The following PCDH11X variants were observed in gnomAD, a reference collection of about 807,000 sequenced individuals.
PCDH11X encodes the protein protocadherin 11 X-linked.
A neutral mutation model predicts 53.3 loss-of-function variants in PCDH11X; 18 were observed. The observed-to-expected ratio is 0.34, with a 90% CI of 0.23 to 0.50. The LOEUF (loss-of-function observed/expected upper bound fraction) is 0.50. PCDH11X is among the 20% of genes least tolerant of loss of function. The pLI is 0.98. For missense variants in PCDH11X, 570 were observed against 1,032.4 expected (o/e 0.55, Z 6.14); for synonymous variants, 279 against 393.3 (o/e 0.71, Z 3.44).
chrX:92,394,416 T>A (rs2071199959), intron 9 of PCDH11X, among the ~76,000 whole-genome samples: 1 of 110,831 alleles, frequency 9.0e-6, no homozygotes, highest in South Asian at 3.8e-4. Flanking sequence ...ATGCCATAGG[T>A]CTGGAATGTC....
intron 6 of PCDH11X, among the ~76,000 whole-genome samples, chrX:91,900,936 C>T (rs763611909): frequency 9.0e-6 from 1 of 111,318 alleles, no homozygotes; most frequent in South Asian, 3.8e-4. Flanking sequence ...TAGTGATTCT[C>T]CTCAAAATTA....
At chrX:91,910,663 G>GA (rs1337673087) in intron 6 of PCDH11X, among the ~76,000 whole-genome samples, 1 of 110,754 alleles carries the variant, frequency 9.0e-6, no homozygotes, top group Non-Finnish European at 1.9e-5. Flanking sequence ...TGCAAGTATA[G>GA]AAAAACATAT....
chrX:92,396,123 A>C (rs6619002), intron 9 of PCDH11X, among the ~76,000 whole-genome samples: 1 of 104,588 alleles, frequency 9.6e-6, no homozygotes, highest in African/African-American at 3.5e-5. Context: ...ACTTTTCACT[A>C]TGCTTATCTA....
At chrX:91,869,610 G>C (rs909766546) in intron 5 of PCDH11X, among the ~76,000 whole-genome samples, 5 of 111,091 alleles carry the variant, frequency 4.5e-5, no homozygotes, top group African/African-American at 1.6e-4. Context: ...CTGCTAAAAA[G>C]AGCTGATTAG....
intron 10 of PCDH11X, among the ~76,000 whole-genome samples, chrX:92,536,274 A>G (rs754820587): frequency 9.0e-6 from 1 of 111,083 alleles, no homozygotes; most frequent in African/African-American, 3.3e-5. Context: ...TATACAGGCT[A>G]TTTTATCTGC....
chrX:91,991,962 A>C (rs866539959), intron 6 of PCDH11X, among the ~76,000 whole-genome samples: 1 of 90,177 alleles, frequency 1.1e-5, no homozygotes, highest in Non-Finnish European at 2.2e-5. Context: ...TTGTCACTTA[A>C]GTTTTTTTTT....
At chrX:92,214,757 A>C (rs1251458237) in intron 7 of PCDH11X, among the ~76,000 whole-genome samples, 2 of 111,758 alleles carry the variant, frequency 1.8e-5, no homozygotes, top group South Asian at 7.5e-4. Flanking sequence ...CTGTTAAAGT[A>C]CTGCCAGGAG....
chrX:92,567,236 A>G (rs1299371747), intron 10 of PCDH11X, among the ~76,000 whole-genome samples: 3 of 104,277 alleles, frequency 2.9e-5, no homozygotes, highest in Non-Finnish European at 5.9e-5. Flanking sequence ...CATTTTCACA[A>G]TATTGATACT....
intron 7 of PCDH11X, among the ~76,000 whole-genome samples, chrX:92,258,603 G>A (rs1288159932): frequency 6.3e-5 from 7 of 110,675 alleles, no homozygotes; most frequent in Non-Finnish European, 1.1e-4. Flanking sequence ...TCCTGACCTC[G>A]TGATCCACCT....
intron 1 of PCDH11X, among the ~76,000 whole-genome samples, chrX:91,806,929 T>G (rs780450967): frequency 8.9e-6 from 1 of 111,961 alleles, no homozygotes; most frequent in Non-Finnish European, 1.9e-5. Context: ...GATGTGGTCT[T>G]ATAGATGTAT....
intron 10 of PCDH11X, among the ~76,000 whole-genome samples, chrX:92,577,331 A>T (rs1923104243): frequency 9.2e-6 from 1 of 108,928 alleles, no homozygotes. Flanking sequence ...GTTTATGTGC[A>T]TAGAGGTGTT....
intron 7 of PCDH11X, among the ~76,000 whole-genome samples, chrX:92,251,725 C>T (rs764728895): frequency 1.6e-4 from 18 of 110,878 alleles, no homozygotes; most frequent in African/African-American, 5.6e-4. Flanking sequence ...ATGGCAGTGA[C>T]GACTGTAGTA....
At chrX:92,564,701 G>T (rs1167313450) in intron 10 of PCDH11X, among the ~76,000 whole-genome samples, 1 of 111,593 alleles carries the variant, frequency 9.0e-6, no homozygotes, top group African/African-American at 3.3e-5. Context: ...CCAAGACATT[G>T]ATCTGTGCAG....
intron 10 of PCDH11X, among the ~76,000 whole-genome samples, chrX:92,489,809 A>T (rs1161626924): frequency 1.9e-5 from 2 of 104,026 alleles, no homozygotes; most frequent in African/African-American, 6.9e-5. Context: ...ATACTTACAC[A>T]TATATATATA....
intron 6 of PCDH11X, among the ~76,000 whole-genome samples, chrX:92,188,545 A>T (rs2066138836): frequency 9.0e-6 from 1 of 111,650 alleles, no homozygotes; most frequent in African/African-American, 3.3e-5. Flanking sequence ...TTGTGATTAG[A>T]AGAAAACAAC....
intron 6 of PCDH11X, among the ~76,000 whole-genome samples, chrX:92,001,458 C>CT (rs1225179729): frequency 1.7e-4 from 15 of 86,538 alleles, no homozygotes; most frequent in East Asian, 8.7e-4. Flanking sequence ...TATTTGAGCT[C>CT]TTTTTTTTTC....
chrX:92,230,475 ATAAT>A (rs1237168605), intron 7 of PCDH11X, among the ~76,000 whole-genome samples: 1 of 92,363 alleles, frequency 1.1e-5, no homozygotes, highest in Non-Finnish European at 2.1e-5. Context: ...TATATTATAT[ATAAT>A]ATATATAAAA....
intron 7 of PCDH11X, among the ~76,000 whole-genome samples, chrX:92,205,076 G>A (rs896554088): frequency 2.5e-4 from 28 of 111,618 alleles, no homozygotes; most frequent in African/African-American, 8.5e-4. Context: ...ACCATGTCAG[G>A]CTATTATCGT....
At chrX:92,293,552 G>GGCGGAGCTGGCAGTAAGCCGAGATC (rs1018104410) in intron 8 of PCDH11X, among the ~76,000 whole-genome samples, 9 of 107,509 alleles carry the variant, frequency 8.4e-5, no homozygotes, top group Non-Finnish European at 1.9e-5. Context: ...TGAACCAGGA[G>GGCGGAGCTGGCAGTAAGCCGAGATC]GCGGAGCTGG....
Sources: allele counts gnomAD v4.1 joint callset (sites outside exome capture counted in the v4.1 genomes callset), GRCh38; gene constraint gnomAD v4.1.1; transcripts MANE v1.5; gene names NCBI Gene and HGNC (gene_info 2026-07-23, HGNC 2026-07-21).